The following CACNG3 variants were observed in gnomAD, a reference collection of about 807,000 sequenced individuals.
CACNG3 encodes calcium voltage-gated channel auxiliary subunit gamma 3, also known as voltage-dependent calcium channel gamma-3 subunit.
CACNG3 carries 3 observed loss-of-function variants against 28.5 expected under a neutral mutation model. The ratio of observed to expected loss-of-function variants is 0.11; its 90% CI spans 0.05 to 0.27. The LOEUF (loss-of-function observed/expected upper bound fraction) is 0.27, where lower values mean the gene tolerates loss of function less well. Among genes scored for constraint, CACNG3 ranks in the 10% least tolerant of loss-of-function variants. The pLI, the probability that CACNG3 is intolerant of heterozygous loss-of-function variation, is 1.00. For synonymous variants in CACNG3, 174 were observed against 162.2 expected (o/e 1.07, Z -0.55); for missense variants, 236 against 414.4 (o/e 0.57, Z 3.74).
intron 1 of CACNG3, among the ~76,000 whole-genome samples, chr16:24,259,565 C>A (rs1031932596): frequency 6.6e-6 from 1 of 152,066 alleles, no homozygotes. Flanking sequence ...AATGTTTGTT[C>A]TTCTGTGCTT....
intron 1 of CACNG3, among the ~76,000 whole-genome samples, chr16:24,285,845 C>CTTTTT (rs11406086): frequency 3.0e-5 from 4 of 131,636 alleles, no homozygotes; most frequent in Non-Finnish European, 3.2e-5. Flanking sequence ...TCTTTCTTTT[C>CTTTTT]TTTTTTTTTT....
chr16:24,359,279 A>G (rs1900075617), intron 3 of CACNG3, among the ~76,000 whole-genome samples: 1 of 152,102 alleles, frequency 6.6e-6, no homozygotes, highest in South Asian at 2.1e-4. Context: ...CCTCCTTGTT[A>G]TATCCATGTT....
intron 3 of CACNG3, among the ~76,000 whole-genome samples, chr16:24,357,976 C>T (rs865944332): frequency 1.1e-4 from 17 of 152,182 alleles, no homozygotes; most frequent in Admixed American, 2.0e-4. Flanking sequence ...GGAAGCCTGA[C>T]GGGAAGGCAG....
intron 1 of CACNG3, among the ~76,000 whole-genome samples, chr16:24,344,535 G>A (rs957457956): frequency 2.0e-5 from 3 of 152,142 alleles, no homozygotes; most frequent in Non-Finnish European, 4.4e-5. Flanking sequence ...AACCAAACAG[G>A]CATATATAAA....
chr16:24,278,639 A>C (rs1359990160), intron 1 of CACNG3, among the ~76,000 whole-genome samples: 3 of 152,034 alleles, frequency 2.0e-5, no homozygotes, highest in Non-Finnish European at 4.4e-5. Context: ...TAAATAAATA[A>C]ATAAAATCTA....
intron 1 of CACNG3, among the ~76,000 whole-genome samples, chr16:24,279,597 G>A (rs562258440): frequency 1.1e-4 from 16 of 152,196 alleles, no homozygotes; most frequent in Non-Finnish European, 1.8e-4. Flanking sequence ...GACCCAGTTC[G>A]CCCAACTGAG....
At chr16:24,321,589 T>C (rs1219938188) in intron 1 of CACNG3, among the ~76,000 whole-genome samples, 2 of 152,246 alleles carry the variant, frequency 1.3e-5, no homozygotes, top group Non-Finnish European at 2.9e-5. Context: ...AGAGTAGTTA[T>C]GCTTGCCATT....
intron 1 of CACNG3, among the ~76,000 whole-genome samples, chr16:24,299,574 A>C (rs1055667636): frequency 2.0e-5 from 3 of 152,194 alleles, no homozygotes; most frequent in Non-Finnish European, 4.4e-5. Flanking sequence ...GTTCCTGTCA[A>C]TGTAAAGAGC....
chr16:24,339,700 T>C (rs1385749218), intron 1 of CACNG3, among the ~76,000 whole-genome samples: 1 of 152,226 alleles, frequency 6.6e-6, no homozygotes, highest in Non-Finnish European at 1.5e-5. Context: ...TTCAGCTACT[T>C]AAGTAGACTA....
At chr16:24,300,722 C>T (rs1357589032) in intron 1 of CACNG3, among the ~76,000 whole-genome samples, 3 of 151,756 alleles carry the variant, frequency 2.0e-5, no homozygotes, top group South Asian at 2.1e-4. Flanking sequence ...TCAAGACCAG[C>T]CTGGCCAACA....
chr16:24,267,817 G>A (rs1421011355), intron 1 of CACNG3, among the ~76,000 whole-genome samples: 1 of 151,872 alleles, frequency 6.6e-6, no homozygotes, highest in Non-Finnish European at 1.5e-5. Context: ...CTACAGATGT[G>A]GGCCACCATG....
At chr16:24,311,622 C>T (rs1219829005) in intron 1 of CACNG3, among the ~76,000 whole-genome samples, 1 of 151,904 alleles carries the variant, frequency 6.6e-6, no homozygotes, top group Non-Finnish European at 1.5e-5. Flanking sequence ...TTGGGAGGCC[C>T]AGGCAGGCAG....
At chr16:24,276,814 C>T (rs753225317) in intron 1 of CACNG3, among the ~76,000 whole-genome samples, 5 of 152,194 alleles carry the variant, frequency 3.3e-5, no homozygotes, top group Non-Finnish European at 4.4e-5. Context: ...CACCACTCCA[C>T]AAAAAGTTGA....
At chr16:24,347,558 G>A (rs1014060604) in intron 2 of CACNG3, among the ~76,000 whole-genome samples, 2 of 152,170 alleles carry the variant, frequency 1.3e-5, no homozygotes, top group Non-Finnish European at 2.9e-5. Context: ...AATGGGTGAT[G>A]TGAGGTGCTA....
At chr16:24,309,128 C>G (rs553644823) in intron 1 of CACNG3, among the ~76,000 whole-genome samples, 1 of 152,016 alleles carries the variant, frequency 6.6e-6, no homozygotes, top group African/African-American at 2.4e-5. Flanking sequence ...AACCATTGTT[C>G]GATTATCTCT....
At chr16:24,281,454 C>G (rs542948318) in intron 1 of CACNG3, among the ~76,000 whole-genome samples, 2 of 152,188 alleles carry the variant, frequency 1.3e-5, no homozygotes, top group South Asian at 2.1e-4. Flanking sequence ...TGATCCTCCC[C>G]CTACCTTAGC....
intron 3 of CACNG3, among the ~76,000 whole-genome samples, chr16:24,359,720 G>A (rs1024720955): frequency 1.3e-5 from 2 of 151,986 alleles, no homozygotes; most frequent in African/African-American, 4.8e-5. Context: ...TAACTTAGCT[G>A]TGCTTGGTAG....
chr16:24,281,149 A>AAGATGGGG (rs1296578997), intron 1 of CACNG3, among the ~76,000 whole-genome samples: 1 of 152,126 alleles, frequency 6.6e-6, no homozygotes, highest in Non-Finnish European at 1.5e-5. Context: ...TCAGGGATTC[A>AAGATGGGG]AGATGGGGAA....
At chr16:24,337,042 G>A (rs191227910) in intron 1 of CACNG3, among the ~76,000 whole-genome samples, 7 of 152,060 alleles carry the variant, frequency 4.6e-5, no homozygotes, top group African/African-American at 1.7e-4. Flanking sequence ...TTGAACTCCT[G>A]GGCTCAATAG....
Sources: allele counts gnomAD v4.1 joint callset (sites outside exome capture counted in the v4.1 genomes callset), GRCh38; gene constraint gnomAD v4.1.1; transcripts MANE v1.5; gene names NCBI Gene and HGNC (gene_info 2026-07-23, HGNC 2026-07-21).